ANKRD30B: variants seen among roughly 807,000 people sequenced by gnomAD.
ANKRD30B encodes the protein ankyrin repeat domain-containing protein 30B.
Under a neutral mutation model 202.2 loss-of-function variants are expected in ANKRD30B, and 144 were observed. The observed-to-expected ratio is 0.71, with a 90% CI of 0.62 to 0.82. The LOEUF is 0.82. Among genes scored for constraint, ANKRD30B ranks in the 40% least tolerant of loss-of-function variants. The probability of loss-of-function intolerance (pLI) is 0.00; values close to 1 mark genes in which losing one functional copy is unlikely to be tolerated. For synonymous variants in ANKRD30B, 508 were observed against 561.3 expected (o/e 0.91, Z 1.34); for missense variants, 1,487 against 1,669.1 (o/e 0.89, Z 1.90).
the ANKRD30B span, among the ~76,000 whole-genome samples, chr18:14,929,975 C>T: frequency 1.7e-4 from 26 of 152,274 alleles, no homozygotes; most frequent in Admixed American, 1.3e-3. Flanking sequence ...GCAGAAGGAA[C>T]GGCAAGTCCA....
rs1969443694 is a variant in ANKRD30B at position 14,805,358 on chromosome 18, A to G, written c.2284+1534A>G. On this transcript the variant is annotated intron_variant, in intron 24 of 43. Transcript: ENST00000690538. ...AGTCTGTTGAAACTAAATTTATAAC[A>G]AATACATCAATATTGAGGGCCAATT... Among the ~76,000 whole-genome samples, 2 of 151,024 alleles carry G rather than the reference A, an allele frequency of 1.3e-5. 1 individual carries two copies. Among genetic ancestry groups the G allele is most frequent in the African/African-American group, 4.9e-5 (2 of 40,858 alleles).
chr18:14,833,939 C>G (rs962577718), intron 34 of ANKRD30B, among the ~76,000 whole-genome samples: 1 of 152,104 alleles, frequency 6.6e-6, no homozygotes, highest in African/African-American at 2.4e-5. Context: ...GCATCTCTGT[C>G]TCAATTGTCA....
At chr18:14,836,081 A>C (rs1369500059) in intron 34 of ANKRD30B, among the ~76,000 whole-genome samples, 1 of 152,048 alleles carries the variant, frequency 6.6e-6, no homozygotes, top group East Asian at 1.9e-4. Context: ...AGCAGTCTGC[A>C]TAGATTTGTG....
chr18:14,763,462 G>A (rs555273000), intron 6 of ANKRD30B, among the ~76,000 whole-genome samples: 4 of 152,096 alleles, frequency 2.6e-5, no homozygotes, highest in African/African-American at 9.6e-5. Context: ...TAGGAGAGTC[G>A]CTTGAGGTAG....
At chr18:14,762,506 G>T (rs1003439630) in intron 6 of ANKRD30B, among the ~76,000 whole-genome samples, 2 of 152,076 alleles carry the variant, frequency 1.3e-5, no homozygotes, top group Non-Finnish European at 2.9e-5. Context: ...TACCAACAAG[G>T]TCTCACTATT....
chr18:14,843,976 A>G (rs911556378), intron 39 of ANKRD30B, among the ~76,000 whole-genome samples: 8 of 152,204 alleles, frequency 5.3e-5, no homozygotes, highest in African/African-American at 1.9e-4. Flanking sequence ...TAAAAATTAT[A>G]CAACATATGT....
chr18:14,880,537 G>T, the ANKRD30B span, among the ~76,000 whole-genome samples: 1 of 148,946 alleles, frequency 6.7e-6, no homozygotes, highest in Non-Finnish European at 1.5e-5. Context: ...CCATTTGTTT[G>T]TGTCGTCTAT....
the ANKRD30B span, among the ~76,000 whole-genome samples, chr18:14,926,198 A>G: frequency 6.6e-6 from 1 of 152,176 alleles, no homozygotes; most frequent in African/African-American, 2.4e-5. Flanking sequence ...CAGGAGGGGT[A>G]AAAAGGTCCA....
At position 14,810,694 on chromosome 18, in the gene ANKRD30B, A is replaced by G. The variant is rs182990318; in HGVS notation, c.2488+514A>G. ...TACTTGATGACTCTTTGCTAGACACACTGTTTTAGAAGTGTGACTCTAAAG... is the reference window on the plus strand; with the variant it reads ...TACTTGATGACTCTTTGCTAGACACGCTGTTTTAGAAGTGTGACTCTAAAG... On this transcript the variant is annotated intron_variant, in intron 28 of 43. Coordinates refer to ENST00000690538, the MANE Select transcript of ANKRD30B (RefSeq NM_001367607.2). Among the ~76,000 whole-genome samples, 367 of 151,132 alleles carry G rather than the reference A, an allele frequency of 2.4e-3. 7 individuals carry two copies. Among genetic ancestry groups the G allele is most frequent in the Non-Finnish European group, 4.0e-3 (268 of 67,810 alleles).
chr18:14,788,750 A>T (rs12606363), intron 15 of ANKRD30B, among the ~76,000 whole-genome samples: 59,974 of 150,934 alleles, frequency 0.4, 13,297 homozygotes, highest in East Asian at 0.58. Flanking sequence ...CTGCATAGTA[A>T]TCCATGGTGT....
Position 14,831,375 on chromosome 18 carries a change from T to C in ANKRD30B, c.2775-8T>C. On this transcript the variant is annotated splice_region_variant and splice_polypyrimidine_tract_variant and intron_variant, in intron 33 of 43. Transcript: ENST00000690538. ...TTTGCTCATTTTTGTTTTATCTTTT[T>C]TCTCTAGTCTTTTTGGCAAACCGAC... The C allele has an allele frequency of 1.4e-6, 2 of 1,480,152 alleles. No individual in the cohort carries two copies. The highest frequency in any genetic ancestry group is 1.8e-6 in the Non-Finnish European group (2 of 1,092,108). The allele number at this position is 1,480,152 out of a possible 1,614,324, so 91.7% of individuals were successfully genotyped here.
Position 14,791,501 on chromosome 18 carries a change from A to AT in ANKRD30B, c.1825+16dup. ...AGTGGAAAATTAGAAGGTAAGAACC[A>AT]TTTTTTAATTAAAAAGTCATTTGAC... On this transcript the variant is annotated intron_variant, in intron 16 of 43. Coordinates refer to ENST00000690538, the MANE Select transcript of ANKRD30B (RefSeq NM_001367607.2). The AT allele has an allele frequency of 3.1e-6, 5 of 1,591,986 alleles. No homozygotes were observed. Among genetic ancestry groups the AT allele is most frequent in the East Asian group, 2.2e-5 (1 of 44,540 alleles).
Position 14,752,821 on chromosome 18 carries a change from T to A in ANKRD30B, c.337-18T>A. ...TTTCCTATAATTTATAATGTACTTC[T>A]TGCTTTAATACTGACAGGCTCTACA... On this transcript the variant is annotated intron_variant, in intron 2 of 43. Transcript: ENST00000690538. The A allele has an allele frequency of 6.3e-7, 1 of 1,598,836 alleles. No homozygotes were observed.
At chr18:14,754,868 A>G (rs1220947685) in intron 3 of ANKRD30B, 31 bp from the exon 4 acceptor site, 4 of 1,406,524 alleles carry the variant, frequency 2.8e-6, no homozygotes, top group Middle Eastern at 1.8e-4. Context: ...ATGTAATTTC[A>G]TGAATTATAT....
At chr18:14,936,559 A>C in the ANKRD30B span, among the ~76,000 whole-genome samples, 1 of 152,148 alleles carries the variant, frequency 6.6e-6, no homozygotes, top group Non-Finnish European at 1.5e-5. Context: ...TGTGAAACAA[A>C]CATATAATTA....
chr18:14,935,619 C>T, the ANKRD30B span, among the ~76,000 whole-genome samples: 2 of 152,184 alleles, frequency 1.3e-5, no homozygotes, highest in East Asian at 3.8e-4. Flanking sequence ...TGTGTGCATG[C>T]ATGTGTATTT....
At position 14,757,435 on chromosome 18, in the gene ANKRD30B, T is replaced by C. The variant is rs1914544238; in HGVS notation, c.618-380T>C. 1.3e-5 allele frequency among the ~76,000 whole-genome samples: 2 copies of C among 152,238 alleles called. 1 individual carries two copies. The highest frequency in any genetic ancestry group is 4.1e-4 in the South Asian group (2 of 4,836). ...ACTATGACTACTACTAATATCATTA[T>C]TCCTAATATTGTTTTAAGCCTTCAG... On this transcript the variant is annotated intron_variant, in intron 4 of 43. Coordinates refer to ENST00000690538, the MANE Select transcript of ANKRD30B (RefSeq NM_001367607.2).
intron 24 of ANKRD30B, among the ~76,000 whole-genome samples, chr18:14,806,887 A>G (rs1202885486): frequency 6.6e-6 from 1 of 150,858 alleles, no homozygotes; most frequent in Non-Finnish European, 1.5e-5. Context: ...CATTTCCTAT[A>G]TACGAATTTC....
intron 20 of ANKRD30B, 82 bp from the exon 21 acceptor site, chr18:14,799,019 C>A: frequency 7.6e-7 from 1 of 1,312,352 alleles, no homozygotes; most frequent in Non-Finnish European, 1.1e-6. Context: ...GAGGATTCGT[C>A]TTCATATTCA....
Sources: gnomAD v4.1 joint callset for allele counts (sites outside exome capture counted in the v4.1 genomes callset) on GRCh38, gnomAD v4.1.1 for gene constraint, MANE v1.5 for transcripts, NCBI Gene and HGNC (gene_info 2026-07-23, HGNC 2026-07-21) for gene names.